The following DNM1 variants were observed in gnomAD, a reference collection of about 807,000 sequenced individuals.
DNM1 encodes dynamin-1.
In DNM1, 29 loss-of-function variants were observed where a neutral mutation model predicts 104.6. That is an observed-to-expected ratio of 0.28 (90% CI 0.21 to 0.38). The LOEUF is 0.38. Among genes scored for constraint, DNM1 ranks in the 10% least tolerant of loss-of-function variants. The pLI is 1.00. For synonymous variants in DNM1, 445 were observed against 475.8 expected (o/e 0.94, Z 0.84); for missense variants, 640 against 1,189.4 (o/e 0.54, Z 6.79).
rs376114296 is a variant in DNM1 at position 128,253,049 on chromosome 9, C to T, written c.2535-1605C>T. ...GTGTGTGTGTCCCCCACCCCCAGGC[C>T]GGCCCCACCCGTGCGTGTGAACTGC... is the stretch of plus-strand genomic sequence containing the variant. On this transcript the variant is annotated intron_variant, in intron 21 of 21. Transcript: ENST00000372923. The surrounding 1 kb of genome is among the most constrained non-coding windows in gnomAD (Gnocchi z 5.9). 1.5e-4 allele frequency: 247 copies of T among 1,600,884 alleles called. No homozygotes were observed. The highest frequency in any genetic ancestry group is 1.3e-3 in the African/African-American group (99 of 74,802).
Position 128,254,882 on chromosome 9 carries a change from G to A in DNM1, c.*168G>A, listed in dbSNP as rs1489680446. 2 of 624,548 alleles carry A rather than the reference G, an allele frequency of 3.2e-6. No homozygotes were observed. The highest frequency in any genetic ancestry group is 2.9e-5 in the Admixed American group (1 of 33,950). The allele number at this position is 624,548 out of a possible 1,614,324, so 38.7% of individuals were successfully genotyped here. ...CAGGTGTGACCGTTGGTGAAAACTT[G>A]TGCCCCTTCTGTGGTATGCCCTTGC... is the stretch of plus-strand genomic sequence containing the variant. On this transcript the variant is annotated 3_prime_UTR_variant, in exon 22 of 22. Transcript: ENST00000372923. The surrounding 1 kb of genome is among the most constrained non-coding windows in gnomAD (Gnocchi z 6.1).
At chr9:128,244,444 T>C (rs1836619597) in intron 15 of DNM1, among the ~76,000 whole-genome samples, 2 of 152,128 alleles carry the variant, frequency 1.3e-5, no homozygotes, top group South Asian at 4.1e-4. Context: ...TGTACTTCTC[T>C]ACTCAACCAC....
chr9:128,210,923 A>G (rs2131110071), intron 1 of DNM1, among the ~76,000 whole-genome samples: 1 of 152,288 alleles, frequency 6.6e-6, no homozygotes, highest in East Asian at 1.9e-4. Context: ...AGAAACAAGA[A>G]TCATTTGGAG....
At chr9:128,221,164 A>ACTGCAACCT (rs1835001295) in intron 6 of DNM1, 1 of 151,178 alleles carries the variant, frequency 6.6e-6, no homozygotes, top group Non-Finnish European at 1.5e-5. Context: ...ATCTCAGCTC[A>ACTGCAACCT]CTGCAACCTC....
rs1266168507 is a variant in DNM1, at chr9:128,218,717, T to TCTA, written c.374_376dup (p.Tyr125dup). On this transcript the variant is annotated inframe_insertion, in exon 3 of 22. Transcript: ENST00000372923. The surrounding 1 kb of genome is among the most constrained non-coding windows in gnomAD (Gnocchi z 4.8). Reference sequence around the variant, plus strand: ...TCGCCGGTGCCTATCAACCTCCGCGTCTACTCGCCGCACGGTGAGGACCCT... The same window carrying TCTA: ...TCGCCGGTGCCTATCAACCTCCGCGTCTACTACTCGCCGCACGGTGAGGACCCT... The TCTA allele has an allele frequency of 6.2e-7, 1 of 1,603,136 alleles. No individual in the cohort carries two copies. The highest frequency in any genetic ancestry group is 1.3e-5 in the African/African-American group (1 of 74,594).
intron 10 of DNM1, among the ~76,000 whole-genome samples, chr9:128,230,350 T>C (rs1284292798): frequency 1.3e-5 from 2 of 151,332 alleles, no homozygotes; most frequent in South Asian, 2.1e-4. Context: ...AAATAATATA[T>C]GTGAATGATA....
intron 1 of DNM1, among the ~76,000 whole-genome samples, chr9:128,210,972 G>A (rs1420824160): frequency 2.0e-5 from 3 of 148,632 alleles, no homozygotes; most frequent in Non-Finnish European, 1.5e-5. Flanking sequence ...ATAAGCAACA[G>A]AAAAAAAAAA....
Position 128,247,472 on chromosome 9 carries a change from C to G in DNM1, c.1879C>G (p.Pro627Ala). 6.2e-7 allele frequency: 1 copy of G among 1,612,126 alleles called. No individual in the cohort carries two copies. The highest frequency in any genetic ancestry group is 8.5e-7 in the Non-Finnish European group (1 of 1,178,484). Residue 627 changes from proline to alanine, a missense_variant, in exon 17 of 22, where the codon CCT becomes GCT. Around this residue, in one of 7 missense-constraint regions of DNM1, gnomAD observed 91 missense variants for 256.3 expected, o/e 0.36. Coordinates refer to ENST00000372923, the MANE Select transcript of DNM1 (RefSeq NM_004408.4). This position sits in a 1 kb window ranked among gnomAD's most constrained non-coding sequence, Gnocchi z 5.1. ...KASFLRAGVY[P>A]ERVGDKEKAS... Reference sequence around the variant, plus strand: ...CTCCTTCCTGAGGGCTGGCGTGTACCCTGAGCGTGTTGGGGTGAGTGGCAG... The same window carrying G: ...CTCCTTCCTGAGGGCTGGCGTGTACGCTGAGCGTGTTGGGGTGAGTGGCAG...
chr9:128,230,243 T>C (rs1180025138), intron 10 of DNM1, among the ~76,000 whole-genome samples: 1 of 141,378 alleles, frequency 7.1e-6, no homozygotes, highest in East Asian at 2.0e-4. Context: ...AATTAAAAAT[T>C]AAAAAAAAAG....
intron 10 of DNM1, among the ~76,000 whole-genome samples, chr9:128,231,362 C>T (rs921848053): frequency 2.4e-4 from 37 of 152,014 alleles, no homozygotes; most frequent in African/African-American, 4.1e-4. Context: ...CCACCACGCC[C>T]GGCTACTTTT....
chr9:128,233,617 C>A (rs527857677), intron 10 of DNM1: 63 of 185,368 alleles, frequency 3.4e-4, no homozygotes, highest in African/African-American at 1.4e-3. Context: ...TCCCTCCACG[C>A]CTTTAGGAAG....
chr9:128,227,305 C>T (rs549093689), intron 10 of DNM1, among the ~76,000 whole-genome samples: 24 of 151,286 alleles, frequency 1.6e-4, no homozygotes, highest in African/African-American at 4.1e-4. Context: ...TGAGCCACCG[C>T]GCATTCTTTT....
At chr9:128,241,680 C>T (rs946686730) in intron 14 of DNM1, among the ~76,000 whole-genome samples, 4 of 152,036 alleles carry the variant, frequency 2.6e-5, no homozygotes, top group Non-Finnish European at 4.4e-5. Flanking sequence ...TTACAGAAGT[C>T]GACTTCAGGG....
chr9:128,235,404 G>A (rs921359420), intron 11 of DNM1, among the ~76,000 whole-genome samples: 1 of 151,658 alleles, frequency 6.6e-6, no homozygotes, highest in African/African-American at 2.4e-5. Flanking sequence ...TGAGGCAGGA[G>A]AACCACTTGA....
intron 6 of DNM1, chr9:128,221,081 CTT>C (rs1463933694): frequency 6.8e-6 from 1 of 146,480 alleles, no homozygotes; most frequent in Non-Finnish European, 1.5e-5. Flanking sequence ...CTCTTTCTCT[CTT>C]TCTCTCTTTC....
chr9:128,254,226 G>A lies in DNM1; in HGVS notation c.2535-428G>A, dbSNP rs1829709744. The A allele has an allele frequency of 1.5e-6, 2 of 1,360,488 alleles. No homozygotes were observed. Among genetic ancestry groups the A allele is most frequent in the Non-Finnish European group, 1.9e-6 (2 of 1,066,282 alleles). 84.3% of individuals were successfully genotyped at this position (1,360,488 alleles called of 1,614,324 possible). A position where few individuals can be genotyped will look rare whatever the true frequency, so the allele number is the denominator to read the frequency against. On this transcript the variant is annotated intron_variant, in intron 21 of 21. Coordinates refer to ENST00000372923, the MANE Select transcript of DNM1 (RefSeq NM_004408.4). This position sits in a 1 kb window ranked among gnomAD's most constrained non-coding sequence, Gnocchi z 6.1. The stretch of plus-strand genomic sequence containing the variant: ...GTTTCACCCTCCTGGTTCAAGCAGT[G>A]TTCTTTCTCTATCAGGCCTGGTGGC...
chr9:128,228,050 G>GT (rs960280016), intron 10 of DNM1, among the ~76,000 whole-genome samples: 14 of 150,524 alleles, frequency 9.3e-5, no homozygotes, highest in South Asian at 2.1e-4. Flanking sequence ...TTTGTTTTTG[G>GT]TTTTTTTTGA....
chr9:128,237,949 A>G (rs961849499), intron 11 of DNM1, among the ~76,000 whole-genome samples: 5 of 151,092 alleles, frequency 3.3e-5, no homozygotes, highest in Non-Finnish European at 7.4e-5. Flanking sequence ...TAATTTTTCT[A>G]TTTTTTGTAG....
chr9:128,220,197 G>A lies in DNM1; in HGVS notation c.705G>A (p.Val235=). The change falls in exon 6 of 22, where the codon GTG becomes GTA. Residue 235 remains valine (V), a synonymous_variant. Coordinates refer to ENST00000372923, the MANE Select transcript of DNM1 (RefSeq NM_004408.4). This position sits in a 1 kb window ranked among gnomAD's most constrained non-coding sequence, Gnocchi z 5.2. ...LPLRRGYIGV[V]NRSQKDIDGK... ...TGTTCACAGGCTACATTGGAGTGGT[G>A]AACCGGAGCCAGAAGGACATTGATG... The A allele has an allele frequency of 6.2e-7, 1 of 1,614,166 alleles. No individual in the cohort carries two copies. Among genetic ancestry groups the A allele is most frequent in the Non-Finnish European group, 8.5e-7 (1 of 1,180,034 alleles).
Sources: gnomAD v4.1 joint callset for allele counts (sites outside exome capture counted in the v4.1 genomes callset) on GRCh38, gnomAD v4.1.1 for gene constraint, gnomAD v4.1.1 regional missense constraint, Gnocchi (gnomAD v3.1) non-coding constraint, MANE v1.5 for transcripts, NCBI Gene and HGNC (gene_info 2026-07-23, HGNC 2026-07-21) for gene names.